Variants in PTPRN2 observed in about 807,000 individuals in gnomAD.
PTPRN2 encodes receptor-type tyrosine-protein phosphatase N2.
A neutral mutation model predicts 118.8 loss-of-function variants in PTPRN2; 74 were observed. The ratio of observed to expected loss-of-function variants is 0.62; its 90% CI spans 0.52 to 0.76. The LOEUF is 0.76. Among genes scored for constraint, PTPRN2 ranks in the 30% least tolerant of loss-of-function variants. The pLI is 0.00. For missense variants in PTPRN2, 1,481 were observed against 1,394.4 expected (o/e 1.06, Z -0.99); for synonymous variants, 641 against 608.0 (o/e 1.05, Z -0.80).
intron 6 of PTPRN2, among the ~76,000 whole-genome samples, chr7:158,149,573 T>C (rs1011179034): frequency 2.6e-5 from 4 of 151,750 alleles, no homozygotes; most frequent in Non-Finnish European, 4.4e-5. Context: ...GGGTCCGAGG[T>C]GGGTGGATCA....
intron 12 of PTPRN2, among the ~76,000 whole-genome samples, chr7:157,883,180 A>AG: frequency 2.0e-5 from 3 of 151,118 alleles, no homozygotes; most frequent in Admixed American, 6.6e-5. Context: ...GTCGGAGATC[A>AG]AAACACATCA....
chr7:157,982,760 G>A (rs112186007), intron 11 of PTPRN2, among the ~76,000 whole-genome samples: 67 of 94,102 alleles, frequency 7.1e-4, no homozygotes, highest in Admixed American at 1.0e-3. Flanking sequence ...AATGCAGAGT[G>A]CAGGGTCCCC....
chr7:157,625,535 G>A (rs1211473179), intron 14 of PTPRN2, among the ~76,000 whole-genome samples: 1 of 152,182 alleles, frequency 6.6e-6, no homozygotes, highest in Non-Finnish European at 1.5e-5. Context: ...CTATGAGGAT[G>A]CAGAGGCATA....
In PTPRN2 at chr7:157,845,779, C is replaced by T. The variant is rs1808763921; in HGVS notation, c.1788+52894G>A. On this transcript the variant is annotated intron_variant, in intron 12 of 22. Coordinates refer to ENST00000389418, the MANE Select transcript of PTPRN2 (RefSeq NM_002847.5). This position sits in a 1 kb window ranked among gnomAD's most constrained non-coding sequence, Gnocchi z 4.5. ...GGACGGCAGCAAGGACACAGCAGGG[C>T]CATGGGCAGAGGAAGGACAAGCAAC... Among the ~76,000 whole-genome samples, 1 of 152,046 alleles carries T rather than the reference C, an allele frequency of 6.6e-6. No individual in the cohort carries two copies. Among genetic ancestry groups the T allele is most frequent in the Non-Finnish European group, 1.5e-5 (1 of 68,026 alleles).
intron 19 of PTPRN2, among the ~76,000 whole-genome samples, chr7:157,572,347 G>A (rs1045585427): frequency 6.6e-6 from 1 of 152,212 alleles, no homozygotes; most frequent in Non-Finnish European, 1.5e-5. Flanking sequence ...ACAATGTGCT[G>A]CGTGAACTCC....
chr7:158,459,580 GC>G (rs1368173485), intron 2 of PTPRN2, among the ~76,000 whole-genome samples: 1 of 152,166 alleles, frequency 6.6e-6, no homozygotes, highest in Non-Finnish European at 1.5e-5. Context: ...TACCCTGAGG[GC>G]CACACACACA....
chr7:157,608,902 A>G (rs926746465), intron 15 of PTPRN2, among the ~76,000 whole-genome samples: 1 of 152,148 alleles, frequency 6.6e-6, no homozygotes, highest in Non-Finnish European at 1.5e-5. Context: ...TCCATTAAGA[A>G]CGGGTGTGCT....
chr7:158,094,476 A>T (rs749701355), intron 10 of PTPRN2, among the ~76,000 whole-genome samples: 4 of 149,850 alleles, frequency 2.7e-5, no homozygotes, highest in Non-Finnish European at 5.9e-5. Flanking sequence ...TGCTCAGCTA[A>T]TTTTTTTTTT....
intron 4 of PTPRN2, among the ~76,000 whole-genome samples, chr7:158,203,762 G>A (rs1440741950): frequency 2.0e-5 from 3 of 152,212 alleles, no homozygotes; most frequent in Admixed American, 2.0e-4. Flanking sequence ...AGGAGTATAA[G>A]GAGTTTGAAC....
chr7:158,044,592 TAA>T (rs1390523243), intron 11 of PTPRN2, among the ~76,000 whole-genome samples: 1 of 147,748 alleles, frequency 6.8e-6, no homozygotes, highest in African/African-American at 2.7e-5. Flanking sequence ...CGATCATTTG[TAA>T]AGACTCTGCT....
chr7:157,581,523 C>T (rs144302852), intron 17 of PTPRN2, among the ~76,000 whole-genome samples: 1 of 152,326 alleles, frequency 6.6e-6, no homozygotes, highest in East Asian at 1.9e-4. Context: ...GAACCTGAGC[C>T]ATCTCGACGC....
At chr7:158,360,011 T>C (rs530833655) in intron 2 of PTPRN2, among the ~76,000 whole-genome samples, 1 of 151,700 alleles carries the variant, frequency 6.6e-6, no homozygotes, top group African/African-American at 2.4e-5. Flanking sequence ...CGCTGCATCC[T>C]TCCTCACCCA....
chr7:157,713,076 T>C (rs1269663477), intron 12 of PTPRN2, among the ~76,000 whole-genome samples: 2 of 152,236 alleles, frequency 1.3e-5, no homozygotes, highest in Non-Finnish European at 1.5e-5. Context: ...GGGTGAGCCA[T>C]GCGCATCCCC....
intron 15 of PTPRN2, among the ~76,000 whole-genome samples, chr7:157,606,583 T>A (rs576298157): frequency 6.6e-6 from 1 of 152,360 alleles, no homozygotes; most frequent in African/African-American, 2.4e-5. Context: ...GCACCCTCGC[T>A]GGAGCCCTCG....
intron 12 of PTPRN2, among the ~76,000 whole-genome samples, chr7:157,694,281 G>T (rs1797663320): frequency 6.6e-6 from 1 of 152,198 alleles, no homozygotes; most frequent in Non-Finnish European, 1.5e-5. Context: ...TCGTGAGAGG[G>T]CCTGAAAGGT....
At chr7:158,251,840 G>T (rs550856983) in intron 3 of PTPRN2, among the ~76,000 whole-genome samples, 1 of 152,242 alleles carries the variant, frequency 6.6e-6, no homozygotes, top group South Asian at 2.1e-4. Flanking sequence ...AAAGCCCAGA[G>T]TATGCTCAGC....
chr7:158,374,708 G>T (rs762437547), intron 2 of PTPRN2, among the ~76,000 whole-genome samples: 11 of 152,280 alleles, frequency 7.2e-5, no homozygotes, highest in Non-Finnish European at 1.3e-4. Flanking sequence ...ATTAAAGAAT[G>T]CCCTGCGGAA....
At position 158,081,522 on chromosome 7, in the gene PTPRN2, G is replaced by A. The variant is rs191245528; in HGVS notation, c.1644-145C>T. ...GCTCCAGGCGTCGACTCCACTGGAC[G>A]TCGGTTTTCCTTCACACCATGACCT... is the stretch of plus-strand genomic sequence containing the variant. On this transcript the variant is annotated intron_variant, in intron 10 of 22. Transcript: ENST00000389418. 806 of 714,126 alleles carry A rather than the reference G, an allele frequency of 1.1e-3. 2 individuals are homozygous for A. The highest frequency in any genetic ancestry group is 1.2e-3 in the Non-Finnish European group (501 of 417,804). The allele number at this position is 714,126 out of a possible 1,614,324, so 44.2% of individuals were successfully genotyped here.
At chr7:157,791,115 G>T (rs1804463144) in intron 12 of PTPRN2, among the ~76,000 whole-genome samples, 1 of 152,208 alleles carries the variant, frequency 6.6e-6, no homozygotes, top group Non-Finnish European at 1.5e-5. Context: ...GCATGTATGT[G>T]TATGAGAACA....
Sources: allele counts gnomAD v4.1 joint callset (sites outside exome capture counted in the v4.1 genomes callset), GRCh38; gene constraint gnomAD v4.1.1; non-coding constraint Gnocchi (gnomAD v3.1); transcripts MANE v1.5; gene names NCBI Gene and HGNC (gene_info 2026-07-23, HGNC 2026-07-21).